Variants in IL15 observed in about 807,000 individuals in gnomAD.
The protein encoded by IL15 is interleukin 15.
In IL15, 11 loss-of-function variants were observed where a neutral mutation model predicts 19.6. The observed-to-expected ratio is 0.56, with a 90% confidence interval of 0.35 to 0.93. The LOEUF is 0.93. Ranked by LOEUF, IL15 falls within the 40% of genes least tolerant of loss-of-function variation. The probability of loss-of-function intolerance (pLI) is 0.01; values close to 1 mark genes in which losing one functional copy is unlikely to be tolerated. For missense variants in IL15, 197 were observed against 186.5 expected, an observed-to-expected ratio of 1.06 and a Z score of -0.33; for synonymous variants, 58 against 59.6, an observed-to-expected ratio of 0.97 and a Z score of 0.12.
At chr4:141,722,803 C>T (rs550963867) in intron 5 of IL15, among the ~76,000 whole-genome samples, 1 of 152,042 alleles carries the variant, frequency 6.6e-6, no homozygotes, top group Non-Finnish European at 1.5e-5. Flanking sequence ...AAATGAAAAA[C>T]TAAATGCCTT....
chr4:141,696,366 C>A (rs1041203881), intron 2 of IL15, among the ~76,000 whole-genome samples: 1 of 151,958 alleles, frequency 6.6e-6, no homozygotes, highest in Non-Finnish European at 1.5e-5. Flanking sequence ...GTATGAAGAA[C>A]CTCCTACAAT....
intron 2 of IL15, among the ~76,000 whole-genome samples, chr4:141,697,433 T>G (rs1729135871): frequency 6.6e-6 from 1 of 152,148 alleles, no homozygotes; most frequent in Non-Finnish European, 1.5e-5. Context: ...TGATTTGAAG[T>G]CAGATAATGT....
chr4:141,662,732 G>A (rs1727836157), intron 2 of IL15, among the ~76,000 whole-genome samples: 1 of 151,876 alleles, frequency 6.6e-6, no homozygotes, highest in South Asian at 2.1e-4. Flanking sequence ...GTTTGACTCA[G>A]TTTTTATGTA....
intron 2 of IL15, among the ~76,000 whole-genome samples, chr4:141,694,122 AG>A (rs966635116): frequency 1.1e-4 from 16 of 152,322 alleles, no homozygotes; most frequent in African/African-American, 3.8e-4. Context: ...ATGGTTGTAA[AG>A]GGAAAACAGA....
intron 1 of IL15, among the ~76,000 whole-genome samples, chr4:141,651,192 A>T (rs1231550009): frequency 6.6e-6 from 1 of 151,916 alleles, no homozygotes; most frequent in Non-Finnish European, 1.5e-5. Context: ...CACCATCTAT[A>T]TATATACATA....
At chr4:141,700,166 G>C (rs1385039629) in intron 2 of IL15, among the ~76,000 whole-genome samples, 1 of 152,062 alleles carries the variant, frequency 6.6e-6, no homozygotes, top group African/African-American at 2.4e-5. Context: ...TGATCCATCT[G>C]CCTCAGCCCC....
intron 2 of IL15, among the ~76,000 whole-genome samples, chr4:141,659,269 C>A (rs1291495264): frequency 2.0e-5 from 3 of 150,832 alleles, no homozygotes; most frequent in African/African-American, 7.4e-5. Flanking sequence ...ATGGCGTGAT[C>A]TTGGCTCACT....
chr4:141,657,104 A>G (rs1401552431), intron 2 of IL15, among the ~76,000 whole-genome samples: 1 of 152,230 alleles, frequency 6.6e-6, no homozygotes, highest in Non-Finnish European at 1.5e-5. Flanking sequence ...GTTGGTTCTA[A>G]GCTACAAACC....
chr4:141,652,390 C>A (rs2152156688), intron 1 of IL15, among the ~76,000 whole-genome samples: 1 of 152,206 alleles, frequency 6.6e-6, no homozygotes, highest in African/African-American at 2.4e-5. Context: ...CCACATTGAC[C>A]ACATTAGAGC....
chr4:141,656,903 T>G (rs1207945889), intron 2 of IL15, among the ~76,000 whole-genome samples: 1 of 152,206 alleles, frequency 6.6e-6, no homozygotes, highest in Non-Finnish European at 1.5e-5. Context: ...TTTTAAGGAG[T>G]ATTTTAGAAA....
intron 2 of IL15, among the ~76,000 whole-genome samples, chr4:141,690,267 A>G: frequency 6.6e-6 from 1 of 152,124 alleles, no homozygotes; most frequent in East Asian, 1.9e-4. Context: ...AAGCTGAGGG[A>G]GCTGGCTCTG....
At chr4:141,646,549 C>T (rs1727231290) in intron 1 of IL15, among the ~76,000 whole-genome samples, 1 of 152,102 alleles carries the variant, frequency 6.6e-6, no homozygotes, top group African/African-American at 2.4e-5. Flanking sequence ...CCAGCACTCC[C>T]TGTCCCAACC....
At chr4:141,670,858 A>G (rs1222424126) in intron 2 of IL15, among the ~76,000 whole-genome samples, 1 of 152,216 alleles carries the variant, frequency 6.6e-6, no homozygotes, top group Non-Finnish European at 1.5e-5. Context: ...AGAAAGACAC[A>G]TTCAGGAATA....
At chr4:141,650,356 T>G (rs1727363608) in intron 1 of IL15, among the ~76,000 whole-genome samples, 1 of 152,122 alleles carries the variant, frequency 6.6e-6, no homozygotes, top group African/African-American at 2.4e-5. Context: ...AAAAAATCCC[T>G]CAATGTCTAC....
chr4:141,721,282 A>G, intron 4 of IL15: 1 of 692,084 alleles, frequency 1.4e-6, no homozygotes, highest in Non-Finnish European at 2.6e-6. Context: ...GCATCATTCC[A>G]ATGTTACTTG....
At chr4:141,659,691 G>C (rs1402475595) in intron 2 of IL15, among the ~76,000 whole-genome samples, 2 of 152,194 alleles carry the variant, frequency 1.3e-5, no homozygotes, top group African/African-American at 2.4e-5. Flanking sequence ...AATTTATTCT[G>C]ATCAATTCTG....
intron 2 of IL15, among the ~76,000 whole-genome samples, chr4:141,695,483 G>C (rs1729062381): frequency 6.6e-6 from 1 of 151,818 alleles, no homozygotes; most frequent in Admixed American, 6.6e-5. Flanking sequence ...CATTTAGTTG[G>C]AGACTTAAGG....
intron 1 of IL15, among the ~76,000 whole-genome samples, chr4:141,648,368 A>G (rs1015895753): frequency 2.6e-5 from 4 of 152,096 alleles, no homozygotes; most frequent in African/African-American, 9.7e-5. Context: ...TGCAAAGTAA[A>G]TGCTTCAGTA....
chr4:141,639,542 A>G (rs1726974215), intron 1 of IL15, among the ~76,000 whole-genome samples: 1 of 152,188 alleles, frequency 6.6e-6, no homozygotes, highest in Admixed American at 6.5e-5. Flanking sequence ...ATTGATCTAG[A>G]TATCTGTCTC....
Sources: gnomAD v4.1 joint callset for allele counts (sites outside exome capture counted in the v4.1 genomes callset) on GRCh38, gnomAD v4.1.1 for gene constraint, MANE v1.5 for transcripts, NCBI Gene and HGNC (gene_info 2026-07-23, HGNC 2026-07-21) for gene names.